NBDY: variants seen among roughly 807,000 people sequenced by gnomAD.
NBDY encodes negative regulator of P-body association.
At chrX:56,743,392 G>A (rs2069541112) in intron 2 of NBDY, among the ~76,000 whole-genome samples, 2 of 110,883 alleles carry the variant, frequency 1.8e-5, no homozygotes, top group African/African-American at 6.5e-5. Context: ...TAAATATTTG[G>A]TAGAATTCAG....
intron 2 of NBDY, among the ~76,000 whole-genome samples, chrX:56,797,179 C>A (rs1191442720): frequency 9.6e-6 from 1 of 104,360 alleles, no homozygotes; most frequent in East Asian, 3.0e-4. Flanking sequence ...TCTTCCTCTT[C>A]CTCTTCTTCT....
At chrX:56,763,060 C>T (rs1363554648) in intron 2 of NBDY, among the ~76,000 whole-genome samples, 1 of 112,638 alleles carries the variant, frequency 8.9e-6, no homozygotes, top group Non-Finnish European at 1.9e-5. Context: ...GGGAGAATTC[C>T]TGACTCCAGG....
chrX:56,806,023 A>C (rs1837774296), intron 2 of NBDY, among the ~76,000 whole-genome samples: 1 of 108,994 alleles, frequency 9.2e-6, no homozygotes, highest in African/African-American at 3.4e-5. Flanking sequence ...CCCTGTGTCC[A>C]TGTGTTCTCA....
At chrX:56,732,545 G>T (rs1241565009) in intron 2 of NBDY, among the ~76,000 whole-genome samples, 1 of 110,940 alleles carries the variant, frequency 9.0e-6, no homozygotes, top group Non-Finnish European at 1.9e-5. Context: ...ATAATGTATA[G>T]ATTTTCTTGG....
At chrX:56,740,907 T>C (rs1435509204) in intron 2 of NBDY, among the ~76,000 whole-genome samples, 1 of 110,766 alleles carries the variant, frequency 9.0e-6, no homozygotes, top group African/African-American at 3.3e-5. Context: ...TTGACTATAG[T>C]CACCCTGCTG....
At chrX:56,729,709 C>T in intron 1 of NBDY, 120 bp downstream of exon 1, 1 of 286,224 alleles carries the variant, frequency 3.5e-6, no homozygotes. Context: ...AAATAACATG[C>T]AGGGATTAAG....
rs62067769 is a variant in NBDY at position 56,808,805 on chromosome X, T to A, written c.*167-8515T>A. On this transcript the variant is annotated intron_variant, in intron 2 of 2. Coordinates refer to ENST00000374922, the MANE Select transcript of NBDY (RefSeq NM_001348129.2). ...GTTATTTCTTGCCTTCTGCTAGATT[T>A]TGAATTTGTTTGCTTCTGCTTCTCT... Among the ~76,000 whole-genome samples, 41 of 112,236 alleles carry A rather than the reference T, an allele frequency of 3.7e-4. 1 individual carries two copies. The East Asian group carries it at 0.011, about 31-fold the overall frequency.
intron 2 of NBDY, among the ~76,000 whole-genome samples, chrX:56,790,417 G>A (rs145584220): frequency 6.8e-4 from 76 of 111,817 alleles, no homozygotes; most frequent in African/African-American, 2.3e-3. Context: ...TGTCAATCTC[G>A]TGTGTGGGCC....
At chrX:56,798,220 C>T (rs1393515600) in intron 2 of NBDY, among the ~76,000 whole-genome samples, 3 of 112,464 alleles carry the variant, frequency 2.7e-5, no homozygotes, top group Non-Finnish European at 5.6e-5. Context: ...AGAAAGGCCA[C>T]AGCAGCAGAT....
chrX:56,766,425 C>G (rs985253757), intron 2 of NBDY, among the ~76,000 whole-genome samples: 6 of 111,575 alleles, frequency 5.4e-5, no homozygotes, highest in Admixed American at 3.8e-4. Context: ...AACACACACA[C>G]AGAGATACAT....
intron 2 of NBDY, among the ~76,000 whole-genome samples, chrX:56,802,082 G>A (rs1199492389): frequency 9.0e-6 from 1 of 111,091 alleles, no homozygotes; most frequent in African/African-American, 3.3e-5. Context: ...ACACACATGT[G>A]TCGCCATAGC....
chrX:56,789,964 G>T (rs1458330283), intron 2 of NBDY, among the ~76,000 whole-genome samples: 19 of 111,397 alleles, frequency 1.7e-4, no homozygotes, highest in African/African-American at 6.2e-4. Flanking sequence ...TTGGTGGGGG[G>T]TGTGGTGGAG....
chrX:56,747,792 G>C (rs2069564671), intron 2 of NBDY, among the ~76,000 whole-genome samples: 1 of 112,037 alleles, frequency 8.9e-6, no homozygotes, highest in South Asian at 3.7e-4. Flanking sequence ...CTTGAACTCA[G>C]CCAATGGTAG....
chrX:56,765,009 C>T (rs566157398), intron 2 of NBDY, among the ~76,000 whole-genome samples: 1 of 112,901 alleles, frequency 8.9e-6, no homozygotes, highest in Admixed American at 9.3e-5. Flanking sequence ...CTGTCAATCT[C>T]ATTGCTCACT....
intron 2 of NBDY, among the ~76,000 whole-genome samples, chrX:56,798,976 G>A (rs1360283309): frequency 8.9e-6 from 1 of 112,322 alleles, no homozygotes; most frequent in Non-Finnish European, 1.9e-5. Context: ...CGTTTGTGGA[G>A]CCATAGTGCC....
chrX:56,737,282 A>G (rs2069500505), intron 2 of NBDY: 2 of 1,056,364 alleles, frequency 1.9e-6, no homozygotes, highest in African/African-American at 1.9e-5. Context: ...TCTTTCCCGA[A>G]TAACCTCTTG....
chrX:56,742,886 G>A (rs971430747), intron 2 of NBDY, among the ~76,000 whole-genome samples: 8 of 111,358 alleles, frequency 7.2e-5, no homozygotes, highest in South Asian at 3.8e-4. Flanking sequence ...GACAATGGGC[G>A]TCCTTGTCAT....
At chrX:56,757,720 G>A (rs1245500532) in intron 2 of NBDY, among the ~76,000 whole-genome samples, 5 of 110,973 alleles carry the variant, frequency 4.5e-5, no homozygotes, top group African/African-American at 1.6e-4. Context: ...GGAGGAGAAA[G>A]GGAGCGGGGA....
chrX:56,744,584 G>A (rs888992397), intron 2 of NBDY, among the ~76,000 whole-genome samples: 1 of 110,974 alleles, frequency 9.0e-6, no homozygotes, highest in African/African-American at 3.3e-5. Context: ...TTTATAATTA[G>A]TATTAAGGAT....
Sources: allele counts gnomAD v4.1 joint callset (sites outside exome capture counted in the v4.1 genomes callset), GRCh38; gene constraint gnomAD v4.1.1; transcripts MANE v1.5; gene names NCBI Gene and HGNC (gene_info 2026-07-23, HGNC 2026-07-21).